The following COX7B2 variants were observed in gnomAD, a reference collection of about 807,000 sequenced individuals.
The protein encoded by COX7B2 is cytochrome c oxidase subunit 7B2, mitochondrial.
For missense variants in COX7B2, 109 were observed against 95.9 expected (o/e 1.14, Z -0.57); for synonymous variants, 37 against 32.1 (o/e 1.15, Z -0.51).
At chr4:46,823,424 C>A (rs1714445264) in intron 2 of COX7B2, among the ~76,000 whole-genome samples, 1 of 151,258 alleles carries the variant, frequency 6.6e-6, no homozygotes, top group African/African-American at 2.4e-5. Context: ...ACATTTCTAG[C>A]CCATAAGGGA....
intron 2 of COX7B2, among the ~76,000 whole-genome samples, chr4:46,759,929 AT>A: frequency 6.7e-6 from 1 of 150,298 alleles, no homozygotes; most frequent in South Asian, 2.2e-4. Context: ...TATAAGTCTT[AT>A]CTTATATGTT....
intron 1 of COX7B2, among the ~76,000 whole-genome samples, chr4:46,900,416 C>T (rs1512129): frequency 0.52 from 78,550 of 151,878 alleles, 20,494 homozygotes; most frequent in East Asian, 0.66. Context: ...TTCTTGTTCT[C>T]ACATGGGTAG....
At chr4:46,841,853 T>C (rs1035453085) in intron 2 of COX7B2, among the ~76,000 whole-genome samples, 4 of 151,942 alleles carry the variant, frequency 2.6e-5, no homozygotes, top group South Asian at 4.1e-4. Context: ...GGAAATCTGG[T>C]ATATAAAAAT....
chr4:46,810,439 GAT>G (rs1371104514), intron 2 of COX7B2, among the ~76,000 whole-genome samples: 3 of 151,944 alleles, frequency 2.0e-5, no homozygotes, highest in African/African-American at 7.2e-5. Context: ...TAGTGTAGCT[GAT>G]GTAGGTTTTT....
intron 2 of COX7B2, among the ~76,000 whole-genome samples, chr4:46,793,469 A>G (rs1043488039): frequency 2.0e-5 from 3 of 152,196 alleles, no homozygotes; most frequent in African/African-American, 7.2e-5. Flanking sequence ...GGCTTGTCCA[A>G]GATGGCGATG....
At chr4:46,745,930 T>G (rs6843819) in intron 2 of COX7B2, among the ~76,000 whole-genome samples, 49,728 of 151,974 alleles carry the variant, frequency 0.33, 8,393 homozygotes, top group South Asian at 0.47. Flanking sequence ...ATTTCTTAAG[T>G]CTAAAAGGGC....
chr4:46,890,646 A>G (rs1388222130), intron 1 of COX7B2, among the ~76,000 whole-genome samples: 1 of 152,228 alleles, frequency 6.6e-6, no homozygotes, highest in African/African-American at 2.4e-5. Context: ...GAATTAAAGA[A>G]GTGAAAGGAC....
At chr4:46,842,768 A>G (rs1444569842) in intron 2 of COX7B2, among the ~76,000 whole-genome samples, 1 of 152,092 alleles carries the variant, frequency 6.6e-6, no homozygotes, top group African/African-American at 2.4e-5. Context: ...TCCATGGTGT[A>G]TATGTGCCAC....
In COX7B2 at chr4:46,797,272, G is replaced by A. The variant is rs369757300; in HGVS notation, c.-50+47688C>T. On this transcript the variant is annotated intron_variant, in intron 2 of 2. Coordinates refer to ENST00000355591, the MANE Select transcript of COX7B2 (RefSeq NM_130902.3). ...GGAAAAGGTAAAAGTAAGACCTTTT[G>A]GGAACTACTGGACCCTGGCTCTGAA... Among the ~76,000 whole-genome samples the A allele has an allele frequency of 3.3e-5, 5 of 152,086 alleles. No individual in the cohort carries two copies. In the South Asian group the frequency reaches 1.0e-3, roughly 32 times the overall value.
intron 2 of COX7B2, among the ~76,000 whole-genome samples, chr4:46,832,566 T>C (rs1383703715): frequency 2.6e-5 from 4 of 152,140 alleles, no homozygotes; most frequent in Non-Finnish European, 4.4e-5. Context: ...CTAACTGATA[T>C]GGTTTGGAGG....
intron 2 of COX7B2, among the ~76,000 whole-genome samples, chr4:46,765,254 A>C (rs531166199): frequency 6.6e-6 from 1 of 152,296 alleles, no homozygotes; most frequent in South Asian, 2.1e-4. Context: ...AGTAGGAAAA[A>C]CAGTTTCACA....
At chr4:46,798,322 C>A (rs751178737) in intron 2 of COX7B2, among the ~76,000 whole-genome samples, 1 of 152,096 alleles carries the variant, frequency 6.6e-6, no homozygotes, top group South Asian at 2.1e-4. Context: ...GCAATATTTT[C>A]TTTGTTTGGA....
At chr4:46,840,511 A>C (rs1715861110) in intron 2 of COX7B2, among the ~76,000 whole-genome samples, 1 of 151,940 alleles carries the variant, frequency 6.6e-6, no homozygotes, top group South Asian at 2.1e-4. Context: ...TAGAAGAAAG[A>C]GCATACATGA....
intron 2 of COX7B2, among the ~76,000 whole-genome samples, chr4:46,759,513 AC>A (rs1560359681): frequency 6.6e-6 from 1 of 152,054 alleles, no homozygotes; most frequent in Non-Finnish European, 1.5e-5. Flanking sequence ...GAAAAAAACA[AC>A]CCCATCAAAA....
At chr4:46,888,172 A>G (rs994213493) in intron 1 of COX7B2, among the ~76,000 whole-genome samples, 3 of 152,088 alleles carry the variant, frequency 2.0e-5, no homozygotes, top group African/African-American at 7.2e-5. Flanking sequence ...TGCCACAAGA[A>G]CTCAGTGCTC....
intron 1 of COX7B2, among the ~76,000 whole-genome samples, chr4:46,905,241 A>T (rs1416030911): frequency 1.3e-5 from 2 of 152,174 alleles, no homozygotes; most frequent in Non-Finnish European, 2.9e-5. Context: ...TGTCAAATTT[A>T]CATTTTTCCA....
intron 2 of COX7B2, among the ~76,000 whole-genome samples, chr4:46,772,962 T>C (rs559019582): frequency 2.0e-5 from 3 of 152,174 alleles, no homozygotes; most frequent in South Asian, 4.1e-4. Flanking sequence ...ATAAGACACA[T>C]AATTAAATGT....
intron 2 of COX7B2, among the ~76,000 whole-genome samples, chr4:46,842,972 G>A (rs948186720): frequency 6.6e-6 from 1 of 151,874 alleles, no homozygotes; most frequent in Non-Finnish European, 1.5e-5. Flanking sequence ...CTGAGGAATC[G>A]CCACACTGAT....
intron 2 of COX7B2, among the ~76,000 whole-genome samples, chr4:46,820,523 C>T (rs909430745): frequency 6.6e-6 from 1 of 152,048 alleles, no homozygotes; most frequent in African/African-American, 2.4e-5. Flanking sequence ...TGATATCTTG[C>T]TTTTGGTTAA....
Sources: gnomAD v4.1 joint callset for allele counts (sites outside exome capture counted in the v4.1 genomes callset) on GRCh38, gnomAD v4.1.1 for gene constraint, MANE v1.5 for transcripts, NCBI Gene and HGNC (gene_info 2026-07-23, HGNC 2026-07-21) for gene names.